Variants in RPS6KC1 observed in about 807,000 individuals in gnomAD.
The protein encoded by RPS6KC1 is inactive ribosomal protein S6 kinase delta-1.
A neutral mutation model predicts 103.8 loss-of-function variants in RPS6KC1; 54 were observed. That is an observed-to-expected ratio of 0.52 (90% CI 0.42 to 0.65). The LOEUF (loss-of-function observed/expected upper bound fraction) is 0.65, where lower values mean the gene tolerates loss of function less well. Ranked by LOEUF, RPS6KC1 falls within the 30% of genes least tolerant of loss-of-function variation. The probability of loss-of-function intolerance (pLI) is 0.00; values close to 1 mark genes in which losing one functional copy is unlikely to be tolerated. For synonymous variants in RPS6KC1, 439 were observed against 438.7 expected, an observed-to-expected ratio of 1.00 and a Z score of -0.01; for missense variants, 1,151 against 1,253.8, an observed-to-expected ratio of 0.92 and a Z score of 1.24.
the RPS6KC1 span, among the ~76,000 whole-genome samples, chr1:213,582,124 A>G: frequency 6.7e-6 from 1 of 150,250 alleles, no homozygotes; most frequent in South Asian, 2.1e-4. Context: ...TGAACATCCA[A>G]TGACTGTCCT....
the RPS6KC1 span, among the ~76,000 whole-genome samples, chr1:213,504,876 G>A: frequency 6.6e-6 from 1 of 152,096 alleles, no homozygotes; most frequent in South Asian, 2.1e-4. Flanking sequence ...GAAAGGAGGG[G>A]AGGTGCCCTT....
At chr1:213,275,602 A>G (rs1359429304), downstream of RPS6KC1, among the ~76,000 whole-genome samples, 1 of 152,168 alleles carries the variant, frequency 6.6e-6, no homozygotes, top group Non-Finnish European at 1.5e-5. Flanking sequence ...TTGACAAATA[A>G]TAGTTATGTA....
At chr1:213,064,415 T>G (rs919014349) in intron 1 of RPS6KC1, among the ~76,000 whole-genome samples, 8 of 151,422 alleles carry the variant, frequency 5.3e-5, no homozygotes, top group Non-Finnish European at 1.0e-4. Context: ...TTGCCCAGGC[T>G]GGAGTACAAT....
At chr1:213,444,477 G>A in the RPS6KC1 span, among the ~76,000 whole-genome samples, 1 of 152,190 alleles carries the variant, frequency 6.6e-6, no homozygotes, top group African/African-American at 2.4e-5. Context: ...TTTCAGAACT[G>A]CATATGCCTC....
At chr1:213,078,026 A>AC (rs1283353730) in intron 3 of RPS6KC1, among the ~76,000 whole-genome samples, 2 of 152,132 alleles carry the variant, frequency 1.3e-5, no homozygotes, top group African/African-American at 4.8e-5. Context: ...ATGAAACAAA[A>AC]CAACTTCAGT....
At chr1:213,234,774 C>T (rs1226179728) in intron 10 of RPS6KC1, among the ~76,000 whole-genome samples, 2 of 152,134 alleles carry the variant, frequency 1.3e-5, no homozygotes, top group South Asian at 2.1e-4. Flanking sequence ...AAAAAGGTCA[C>T]TGGCTCTTGT....
chr1:213,292,225 A>C, the RPS6KC1 span, among the ~76,000 whole-genome samples: 1 of 150,816 alleles, frequency 6.6e-6, no homozygotes, highest in African/African-American at 2.5e-5. Flanking sequence ...CATTGTGCAC[A>C]TGTACCCTAA....
the RPS6KC1 span, among the ~76,000 whole-genome samples, chr1:213,363,710 CTTT>C: frequency 1.4e-4 from 15 of 106,516 alleles, 1 homozygote; most frequent in African/African-American, 6.7e-4. Context: ...TTCCTTCTTT[CTTT>C]CTTTCTTTCT....
Position 213,077,704 on chromosome 1 carries a change from A to G in RPS6KC1, c.150A>G (p.Val50=), listed in dbSNP as rs1293564021. 2 of 1,459,230 alleles carry G rather than the reference A, an allele frequency of 1.4e-6. No homozygotes were observed. The highest frequency in any genetic ancestry group is 9.3e-7 in the Non-Finnish European group (1 of 1,069,912). The allele number at this position is 1,459,230 out of a possible 1,614,324, so 90.4% of individuals were successfully genotyped here. ...AATTTTTTTCTCTCTAGATAATTGT[A>G]TGGAAGAGATACAGTGATTTTAAGA... is the stretch of plus-strand genomic sequence containing the variant. ...RNPEDVQEII[V]WKRYSDFKKL... The change falls in exon 3 of 15, where the codon GTA becomes GTG. Residue 50 remains valine, a synonymous_variant. Transcript: ENST00000366960.
chr1:213,300,453 G>A, the RPS6KC1 span, among the ~76,000 whole-genome samples: 1 of 152,170 alleles, frequency 6.6e-6, no homozygotes, highest in Non-Finnish European at 1.5e-5. Flanking sequence ...GCTGTTTTTG[G>A]AAAATGCAAC....
At chr1:213,085,065 G>A (rs931290430) in intron 3 of RPS6KC1, among the ~76,000 whole-genome samples, 8 of 152,194 alleles carry the variant, frequency 5.3e-5, no homozygotes, top group Non-Finnish European at 8.8e-5. Flanking sequence ...TCACAGTTAT[G>A]AAGGCCAAAG....
At chr1:213,354,946 A>C in the RPS6KC1 span, among the ~76,000 whole-genome samples, 3 of 152,174 alleles carry the variant, frequency 2.0e-5, no homozygotes. Context: ...GGCTGGGTGC[A>C]GTGGCTCACA....
downstream of RPS6KC1, among the ~76,000 whole-genome samples, chr1:213,276,717 T>A (rs866002455): frequency 1.3e-5 from 2 of 152,226 alleles, no homozygotes; most frequent in South Asian, 4.1e-4. Context: ...ATCTGCTCAG[T>A]AGCATAGCCC....
the RPS6KC1 span, among the ~76,000 whole-genome samples, chr1:213,708,915 T>G: frequency 1.3e-3 from 198 of 152,312 alleles, 2 homozygotes; most frequent in African/African-American, 4.6e-3. Flanking sequence ...TTGATCATGG[T>G]GGATAAGCTT....
chr1:213,166,485 A>T (rs1049211919), intron 6 of RPS6KC1, among the ~76,000 whole-genome samples: 1 of 152,220 alleles, frequency 6.6e-6, no homozygotes. Context: ...GCCCTCTAAA[A>T]CCTTGCCTTT....
chr1:213,421,011 C>T, the RPS6KC1 span, among the ~76,000 whole-genome samples: 2 of 152,316 alleles, frequency 1.3e-5, no homozygotes, highest in African/African-American at 4.8e-5. Context: ...TGGATTAGGG[C>T]CCATCCTAAT....
the RPS6KC1 span, among the ~76,000 whole-genome samples, chr1:213,846,596 T>C: frequency 1.2e-4 from 18 of 152,308 alleles, no homozygotes; most frequent in East Asian, 5.8e-4. Flanking sequence ...CATCAAGATA[T>C]AGTAAAGGTG....
chr1:213,608,914 T>G, the RPS6KC1 span, among the ~76,000 whole-genome samples: 1 of 152,246 alleles, frequency 6.6e-6, no homozygotes, highest in African/African-American at 2.4e-5. Flanking sequence ...ATTTCTTGGT[T>G]GTTTAGCATT....
At chr1:213,199,434 A>C (rs2093069900) in intron 8 of RPS6KC1, among the ~76,000 whole-genome samples, 1 of 152,230 alleles carries the variant, frequency 6.6e-6, no homozygotes, top group African/African-American at 2.4e-5. Flanking sequence ...AATGCTTTTG[A>C]TAAAATTCAA....
Sources: gnomAD v4.1 joint callset for allele counts (sites outside exome capture counted in the v4.1 genomes callset) on GRCh38, gnomAD v4.1.1 for gene constraint, MANE v1.5 for transcripts, NCBI Gene and HGNC (gene_info 2026-07-23, HGNC 2026-07-21) for gene names.